TOX: variants seen among roughly 807,000 people sequenced by gnomAD.
TOX encodes thymocyte selection associated high mobility group box, also known as thymocyte selection-associated high mobility group box protein TOX.
A neutral mutation model predicts 53.7 loss-of-function variants in TOX; 11 were observed. That is an observed-to-expected ratio of 0.20 (90% CI 0.13 to 0.34). The LOEUF (loss-of-function observed/expected upper bound fraction) is 0.34, where lower values mean the gene tolerates loss of function less well. TOX is among the 10% of genes least tolerant of loss of function. The pLI, the probability that TOX is intolerant of heterozygous loss-of-function variation, is 1.00. For missense variants in TOX, 570 were observed against 664.6 expected (o/e 0.86, Z 1.56); for synonymous variants, 225 against 245.3 (o/e 0.92, Z 0.77).
At chr8:58,985,477 T>C (rs1183644853) in intron 1 of TOX, among the ~76,000 whole-genome samples, 4 of 152,162 alleles carry the variant, frequency 2.6e-5, no homozygotes, top group African/African-American at 9.7e-5. Flanking sequence ...GAAAGTAGAA[T>C]GGCAGTTGTC....
At chr8:59,011,822 A>C (rs1271656810) in intron 1 of TOX, among the ~76,000 whole-genome samples, 1 of 152,176 alleles carries the variant, frequency 6.6e-6, no homozygotes. Context: ...GTAATAGCCA[A>C]CACATCTTAA....
At chr8:59,115,312 G>A (rs1174581515) in intron 1 of TOX, among the ~76,000 whole-genome samples, 2 of 152,128 alleles carry the variant, frequency 1.3e-5, no homozygotes. Flanking sequence ...TCACATCGTT[G>A]TAAAAATGAA....
chr8:59,018,830 T>C (rs1814065039), intron 1 of TOX, among the ~76,000 whole-genome samples: 1 of 152,140 alleles, frequency 6.6e-6, no homozygotes, highest in South Asian at 2.1e-4. Context: ...GGGAATAGCC[T>C]CAACAATCCC....
intron 1 of TOX, among the ~76,000 whole-genome samples, chr8:59,104,968 C>T (rs1044111479): frequency 2.6e-5 from 4 of 152,172 alleles, no homozygotes; most frequent in Admixed American, 1.3e-4. Context: ...GGAGGGTTCA[C>T]GACTTATTCA....
chr8:59,064,530 A>G lies in TOX; in HGVS notation c.102+54356T>C, dbSNP rs888525211. The stretch of plus-strand genomic sequence containing the variant: ...AGCATTTCTATGAATAAAATGCGTT[A>G]GCATATAATTCTAGAAATCTATTAA... On this transcript the variant is annotated intron_variant, in intron 1 of 8. Coordinates refer to ENST00000361421, the MANE Select transcript of TOX (RefSeq NM_014729.3). Among the ~76,000 whole-genome samples, 9 of 152,370 alleles carry G rather than the reference A, an allele frequency of 5.9e-5. No homozygotes were observed. The South Asian group carries it at 6.2e-4, about 11-fold the overall frequency.
At chr8:59,093,078 C>T (rs1008480828) in intron 1 of TOX, among the ~76,000 whole-genome samples, 5 of 152,182 alleles carry the variant, frequency 3.3e-5, no homozygotes, top group Non-Finnish European at 5.9e-5. Context: ...AGCAAGAAAA[C>T]GTCACAAGAT....
At chr8:59,037,694 T>TG (rs970873602) in intron 1 of TOX, among the ~76,000 whole-genome samples, 3 of 148,262 alleles carry the variant, frequency 2.0e-5, no homozygotes, top group African/African-American at 7.5e-5. Flanking sequence ...CCTAGCTACT[T>TG]GGGGGGCTGA....
At chr8:59,076,129 A>G (rs1452638839) in intron 1 of TOX, among the ~76,000 whole-genome samples, 1 of 152,190 alleles carries the variant, frequency 6.6e-6, no homozygotes, top group African/African-American at 2.4e-5. Context: ...AGGGACCTCC[A>G]CTGCGCAGTA....
In TOX at chr8:58,945,335, C is replaced by T. The variant is rs535980789; in HGVS notation, c.169-5791G>A. On this transcript the variant is annotated intron_variant, in intron 2 of 8. Coordinates refer to ENST00000361421, the MANE Select transcript of TOX (RefSeq NM_014729.3). Reference sequence around the variant, plus strand: ...GGTCAAATTGCTAATTAGAGGCTCACTTTTGAGACTATTAATGGAATCAAG... The same window carrying T: ...GGTCAAATTGCTAATTAGAGGCTCATTTTTGAGACTATTAATGGAATCAAG... Among the ~76,000 whole-genome samples, 4 of 152,298 alleles carry T rather than the reference C, an allele frequency of 2.6e-5. No homozygotes were observed. In the South Asian group the frequency reaches 8.3e-4, roughly 32 times the overall value.
intron 3 of TOX, among the ~76,000 whole-genome samples, chr8:58,924,685 G>A (rs112799023): frequency 2.0e-5 from 3 of 152,330 alleles, no homozygotes; most frequent in African/African-American, 7.2e-5. Flanking sequence ...AGGTGCCTGA[G>A]GAAACTCTTG....
intron 3 of TOX, among the ~76,000 whole-genome samples, chr8:58,909,292 T>C (rs868017111): frequency 1.2e-4 from 18 of 152,272 alleles, no homozygotes; most frequent in African/African-American, 4.1e-4. Context: ...CAAACCACCA[T>C]AGCACACAGT....
rs184972102 is a variant in TOX, at chr8:59,083,752, G to A, written c.102+35134C>T. Reference sequence around the variant, plus strand: ...TACATCTGTCATTATTAATGACCACGGGAGAGAGAAACGATAACTCACTCT... The same window carrying A: ...TACATCTGTCATTATTAATGACCACAGGAGAGAGAAACGATAACTCACTCT... On this transcript the variant is annotated intron_variant, in intron 1 of 8. Coordinates refer to ENST00000361421, the MANE Select transcript of TOX (RefSeq NM_014729.3). Among the ~76,000 whole-genome samples, 18 of 152,188 alleles carry A rather than the reference G, an allele frequency of 1.2e-4. 1 individual carries two copies. The highest frequency in any genetic ancestry group is 8.5e-4 in the Admixed American group (13 of 15,286).
At chr8:58,994,536 TC>T (rs2129417636) in intron 1 of TOX, among the ~76,000 whole-genome samples, 1 of 152,238 alleles carries the variant, frequency 6.6e-6, no homozygotes, top group Non-Finnish European at 1.5e-5. Context: ...ATGCTAAATT[TC>T]TGTCCTGAAT....
chr8:58,836,350 A>G (rs757120331), intron 5 of TOX, among the ~76,000 whole-genome samples: 6 of 152,168 alleles, frequency 3.9e-5, no homozygotes, highest in Non-Finnish European at 5.9e-5. Context: ...GAGCAAACTG[A>G]CCCAAGTTAG....
At chr8:59,042,471 G>A (rs1803608988) in intron 1 of TOX, among the ~76,000 whole-genome samples, 1 of 152,190 alleles carries the variant, frequency 6.6e-6, no homozygotes, top group Non-Finnish European at 1.5e-5. Context: ...AGGAACAACT[G>A]AGAATAATTT....
chr8:58,829,007 G>A lies in TOX; in HGVS notation c.925-2105C>T, dbSNP rs112223494. ...ACTCCCATTCAGCTAACTAGGATGC[G>A]TTTTGCTTTCAAAGGCAAATAGAAT... is the stretch of plus-strand genomic sequence containing the variant. On this transcript the variant is annotated intron_variant, in intron 5 of 8. Transcript: ENST00000361421. Among the ~76,000 whole-genome samples, 240 of 152,210 alleles carry A rather than the reference G, an allele frequency of 1.6e-3. 2 individuals are homozygous for A. Among genetic ancestry groups the A allele is most frequent in the African/African-American group, 5.4e-3 (223 of 41,540 alleles).
chr8:59,029,107 A>T (rs1442025002), intron 1 of TOX, among the ~76,000 whole-genome samples: 1 of 152,144 alleles, frequency 6.6e-6, no homozygotes, highest in Non-Finnish European at 1.5e-5. Flanking sequence ...TTTATTTTCA[A>T]AATGAAAACA....
chr8:59,049,539 TC>T (rs1554542066), intron 1 of TOX, among the ~76,000 whole-genome samples: 1 of 152,168 alleles, frequency 6.6e-6, no homozygotes, highest in Non-Finnish European at 1.5e-5. Context: ...GGATTTTTTT[TC>T]GAACATTCTT....
chr8:58,852,960 T>A (rs188273118), intron 3 of TOX, among the ~76,000 whole-genome samples: 14 of 152,352 alleles, frequency 9.2e-5, no homozygotes, highest in Non-Finnish European at 5.9e-5. Context: ...GCAAATTAAG[T>A]AACCTAGTCA....
Sources: allele counts gnomAD v4.1 joint callset (sites outside exome capture counted in the v4.1 genomes callset), GRCh38; gene constraint gnomAD v4.1.1; transcripts MANE v1.5; gene names NCBI Gene and HGNC (gene_info 2026-07-23, HGNC 2026-07-21).